SMCO2: variants seen among roughly 807,000 people sequenced by gnomAD.
SMCO2 encodes single-pass membrane protein with coiled-coil domains 2.
SMCO2 carries 25 observed loss-of-function variants against 29.5 expected under a neutral mutation model. That is an observed-to-expected ratio of 0.85 (90% CI 0.62 to 1.18). The LOEUF is 1.18. Ranked by LOEUF, SMCO2 falls within the 50% of genes most tolerant of loss-of-function variation. SMCO2 has a pLI of 0.00. For missense variants in SMCO2, 348 were observed against 344.5 expected (o/e 1.01, Z -0.08); for synonymous variants, 117 against 123.3 (o/e 0.95, Z 0.34).
At chr12:27,468,102 T>G (rs900128537) in intron 1 of SMCO2, among the ~76,000 whole-genome samples, 7 of 152,178 alleles carry the variant, frequency 4.6e-5, no homozygotes, top group Non-Finnish European at 1.0e-4. Flanking sequence ...AGCCCCATTC[T>G]GCAGAGGAAA....
chr12:27,460,400 A>G, the SMCO2 span, among the ~76,000 whole-genome samples: 358 of 152,346 alleles, frequency 2.3e-3, 12 homozygotes, highest in East Asian at 0.052. Flanking sequence ...GTAAATTAAC[A>G]CAGATTTTGT....
At chr12:27,474,714 T>C in intron 3 of SMCO2, 72 bp from the exon 4 acceptor site, 1 of 1,525,842 alleles carries the variant, frequency 6.6e-7, no homozygotes, top group Non-Finnish European at 8.8e-7. Context: ...GGGGATTGGG[T>C]AGGGCTGGAA....
chr12:27,488,296 C>T (rs1691211641), intron 4 of SMCO2, among the ~76,000 whole-genome samples, 164 bp from the exon 6 acceptor site: 1 of 152,064 alleles, frequency 6.6e-6, no homozygotes, highest in African/African-American at 2.4e-5. Context: ...ACTTAGAGTA[C>T]TTTTTACTTT....
intron 5 of SMCO2, among the ~76,000 whole-genome samples, chr12:27,489,923 A>T (rs1949721151): frequency 6.6e-6 from 1 of 152,188 alleles, no homozygotes; most frequent in African/African-American, 2.4e-5. Flanking sequence ...AAGACTGAGG[A>T]GAAAGATAGA....
rs183154470 is a variant in SMCO2, at chr12:27,492,156, T to C, written c.451-2144T>C. ...ATACATACATTTACACATTGTTGTT[T>C]TGATGGGATTGTATTATACATATTG... On this transcript the variant is annotated intron_variant, in intron 5 of 7. Transcript: ENST00000298876. Among the ~76,000 whole-genome samples, 24 of 152,394 alleles carry C rather than the reference T, an allele frequency of 1.6e-4. No homozygotes were observed. In the South Asian group the frequency reaches 3.3e-3, roughly 21 times the overall value.
At chr12:27,495,702 T>G in exon 7 of SMCO2, 1 of 1,487,780 alleles carries the variant, frequency 6.7e-7, no homozygotes, top group Non-Finnish European at 9.0e-7. Context: ...AATGTGGAAC[T>G]GCTGAGTGCA....
At chr12:27,435,282 A>AGCCCCCCCC in the SMCO2 span, among the ~76,000 whole-genome samples, 1 of 22,284 alleles carries the variant, frequency 4.5e-5, no homozygotes, top group Admixed American at 6.0e-4. Context: ...TGGCAGCAGA[A>AGCCCCCCCC]CCCCCCCCCC....
intron 4 of SMCO2, among the ~76,000 whole-genome samples, chr12:27,486,611 A>G (rs989003935): frequency 1.3e-4 from 20 of 152,318 alleles, no homozygotes; most frequent in African/African-American, 4.6e-4. Context: ...TTTTTAATGG[A>G]TTTCCTTGTC....
chr12:27,464,202 G>A (rs1949479315), upstream of SMCO2, among the ~76,000 whole-genome samples: 2 of 152,168 alleles, frequency 1.3e-5, no homozygotes, highest in Admixed American at 6.5e-5. Flanking sequence ...GGGAAAACAC[G>A]GGAATATTTT....
chr12:27,453,234 G>A, the SMCO2 span, among the ~76,000 whole-genome samples: 1 of 152,174 alleles, frequency 6.6e-6, no homozygotes, highest in African/African-American at 2.4e-5. Flanking sequence ...CCCTCCAAAT[G>A]TGGTCAAGAG....
chr12:27,462,547 C>T (rs534031463), upstream of SMCO2, among the ~76,000 whole-genome samples: 1 of 152,260 alleles, frequency 6.6e-6, no homozygotes, highest in South Asian at 2.1e-4. Flanking sequence ...GTTCCAGGAG[C>T]TTTATGTACA....
intron 4 of SMCO2, 128 bp from the exon 5 acceptor site, chr12:27,475,454 A>G: frequency 1.0e-6 from 1 of 993,770 alleles, no homozygotes; most frequent in Non-Finnish European, 1.4e-6. Flanking sequence ...TTGTGTGCCC[A>G]CCTGGCCCAT....
chr12:27,476,609 T>TA (rs1307661886), intron 4 of SMCO2, among the ~76,000 whole-genome samples: 1 of 152,136 alleles, frequency 6.6e-6, no homozygotes, highest in Non-Finnish European at 1.5e-5. Flanking sequence ...TGTCATTATA[T>TA]AATACCCTCC....
At chr12:27,464,482 G>A (rs191471777), upstream of SMCO2, among the ~76,000 whole-genome samples, 16 of 152,192 alleles carry the variant, frequency 1.1e-4, no homozygotes, top group East Asian at 2.5e-3. Flanking sequence ...GCTGAGGCAG[G>A]AGGATTGCTT....
At chr12:27,437,516 A>G in the SMCO2 span, among the ~76,000 whole-genome samples, 11 of 151,972 alleles carry the variant, frequency 7.2e-5, no homozygotes, top group Admixed American at 2.6e-4. Flanking sequence ...AAAAGTAGCA[A>G]CTCACCTTTT....
chr12:27,498,269 C>A (rs1386060245), intron 7 of SMCO2: 3 of 237,798 alleles, frequency 1.3e-5, no homozygotes, highest in Non-Finnish European at 2.6e-5. Flanking sequence ...TATCAATGAT[C>A]AGATGCTCCA....
At chr12:27,488,851 C>T (rs76771181) in intron 5 of SMCO2, among the ~76,000 whole-genome samples, 10,144 of 152,144 alleles carry the variant, frequency 0.067, 708 homozygotes, top group East Asian at 0.26. Flanking sequence ...CAGCACCTAA[C>T]GGTACAGAGA....
At chr12:27,492,404 A>G (rs1159462402) in intron 5 of SMCO2, among the ~76,000 whole-genome samples, 1 of 152,186 alleles carries the variant, frequency 6.6e-6, no homozygotes, top group Non-Finnish European at 1.5e-5. Context: ...TTCTTTAAGC[A>G]TCTATTTCTG....
chr12:27,489,040 T>C (rs1949712857), intron 5 of SMCO2, among the ~76,000 whole-genome samples: 1 of 152,104 alleles, frequency 6.6e-6, no homozygotes, highest in South Asian at 2.1e-4. Context: ...TAAGGTTTAA[T>C]TTTCCACTTT....
Sources: allele counts gnomAD v4.1 joint callset (sites outside exome capture counted in the v4.1 genomes callset), GRCh38; gene constraint gnomAD v4.1.1; transcripts MANE v1.5; gene names NCBI Gene and HGNC (gene_info 2026-07-23, HGNC 2026-07-21).